FHAD1: variants seen among roughly 807,000 people sequenced by gnomAD.
The protein encoded by FHAD1 is forkhead-associated domain-containing protein 1.
Under a neutral mutation model 191.3 loss-of-function variants are expected in FHAD1, and 146 were observed. That is an observed-to-expected ratio of 0.76 (90% CI 0.67 to 0.88). The LOEUF is 0.88. Among genes scored for constraint, FHAD1 ranks in the 40% least tolerant of loss-of-function variants. FHAD1 has a pLI of 0.00. For synonymous variants in FHAD1, 616 were observed against 672.3 expected (o/e 0.92, Z 1.29); for missense variants, 1,635 against 1,785.8 (o/e 0.92, Z 1.52).
intron 20 of FHAD1, among the ~76,000 whole-genome samples, chr1:15,354,383 GA>G (rs987747556): frequency 1.3e-5 from 2 of 152,198 alleles, no homozygotes; most frequent in Non-Finnish European, 2.9e-5. Context: ...CAGTCTTTAA[GA>G]GGGGCCTTGA....
At chr1:15,322,302 G>T (rs1676588261) in intron 10 of FHAD1, among the ~76,000 whole-genome samples, 2 of 152,284 alleles carry the variant, frequency 1.3e-5, no homozygotes, top group South Asian at 4.2e-4. Context: ...CCACAATTTT[G>T]CATGGACTCA....
At chr1:15,361,049 C>G (rs1317146900) in intron 22 of FHAD1, among the ~76,000 whole-genome samples, 1 of 152,206 alleles carries the variant, frequency 6.6e-6, no homozygotes, top group African/African-American at 2.4e-5. Flanking sequence ...AAAGGTTTCT[C>G]TCTGCCATCG....
Position 15,366,007 on chromosome 1 carries a change from G to A in FHAD1, c.3154+74G>A, listed in dbSNP as rs1570300495. The A allele has an allele frequency of 3.0e-5, 32 of 1,079,932 alleles. 1 individual carries two copies. The East Asian group carries it at 8.1e-4, about 27-fold the overall frequency. The allele number at this position is 1,079,932 out of a possible 1,614,324, so 66.9% of individuals were successfully genotyped here. A position where few individuals can be genotyped will look rare whatever the true frequency, so the allele number is the denominator to read the frequency against. ...GGAAGGAGATGAGGCTAAAGAGTCG[G>A]CCGGGCGCAGTGGCGCACGCCTATA... is the stretch of plus-strand genomic sequence containing the variant. On this transcript the variant is annotated intron_variant, in intron 24 of 33. Coordinates refer to ENST00000688493, the MANE Select transcript of FHAD1 (RefSeq NM_001391957.1).
At chr1:15,388,186 G>A in intron 32 of FHAD1, 55 bp downstream of exon 32, 1 of 1,129,114 alleles carries the variant, frequency 8.9e-7, no homozygotes. Flanking sequence ...CTCAACTGGG[G>A]GTAAGAGCTC....
At chr1:15,389,558 C>T (rs1703347018) in intron 32 of FHAD1, among the ~76,000 whole-genome samples, 1 of 151,342 alleles carries the variant, frequency 6.6e-6, no homozygotes, top group Non-Finnish European at 1.5e-5. Flanking sequence ...TTGTTCCTCT[C>T]ACTAACTTTG....
chr1:15,317,957 T>C (rs2101498762), intron 10 of FHAD1, 29 bp downstream of exon 10: 5 of 1,424,442 alleles, frequency 3.5e-6, no homozygotes, highest in South Asian at 1.2e-5. Context: ...GCCCAGAGAG[T>C]GGTGTGGGCG....
chr1:15,246,273 C>T (rs1646019637), upstream of FHAD1, among the ~76,000 whole-genome samples: 1 of 152,214 alleles, frequency 6.6e-6, no homozygotes, highest in African/African-American at 2.4e-5. Context: ...CCAGGCCCCT[C>T]TTCCAACACG....
rs1402837604 is a variant in FHAD1 at position 15,289,679 on chromosome 1, G to A, written c.568+13G>A. 1.9e-6 allele frequency: 3 copies of A among 1,538,610 alleles called. No individual in the cohort carries two copies. Among genetic ancestry groups the A allele is most frequent in the Non-Finnish European group, 2.6e-6 (3 of 1,136,880 alleles). On this transcript the variant is annotated intron_variant, in intron 4 of 33. Coordinates refer to ENST00000688493, the MANE Select transcript of FHAD1 (RefSeq NM_001391957.1). This position sits in a 1 kb window ranked among gnomAD's most constrained non-coding sequence, Gnocchi z 4.2. Reference sequence around the variant, plus strand: ...GTCATCAAGCAAGGTATGCGTCAGGGCTGCCATTGGTGGCTTGGGGGTGGT... The same window carrying A: ...GTCATCAAGCAAGGTATGCGTCAGGACTGCCATTGGTGGCTTGGGGGTGGT...
Position 15,367,443 on chromosome 1 carries a change from G to C in FHAD1, c.3155-20G>C, listed in dbSNP as rs1042394114. The stretch of plus-strand genomic sequence containing the variant: ...CCCGGGAGGCAGAGACCCCCTTACC[G>C]GCCCTCCTGTCACTCGCAGGGGAGC... On this transcript the variant is annotated intron_variant, in intron 24 of 33. Transcript: ENST00000688493. 6.5e-7 allele frequency: 1 copy of C among 1,547,996 alleles called. No individual in the cohort carries two copies.
At chr1:15,237,435 C>T (rs1644902404) in intron 1 of FHAD1, among the ~76,000 whole-genome samples, 1 of 152,124 alleles carries the variant, frequency 6.6e-6, no homozygotes, top group Non-Finnish European at 1.5e-5. Flanking sequence ...AAATCCTACC[C>T]ATCCTTCAAG....
chr1:15,350,817 T>G (rs1334234253), intron 19 of FHAD1, among the ~76,000 whole-genome samples: 25 of 152,214 alleles, frequency 1.6e-4, no homozygotes, highest in Admixed American at 1.6e-3. Context: ...GGGTGGGGGC[T>G]GCACAGCCTT....
intron 3 of FHAD1, among the ~76,000 whole-genome samples, chr1:15,287,802 G>A (rs541294411): frequency 6.6e-6 from 1 of 152,268 alleles, no homozygotes; most frequent in East Asian, 1.9e-4. Context: ...ACTGCAGCTT[G>A]GAGATTAGGA....
chr1:15,372,954 G>A (rs1309236598), intron 26 of FHAD1, among the ~76,000 whole-genome samples: 1 of 152,144 alleles, frequency 6.6e-6, no homozygotes, highest in Admixed American at 6.5e-5. Context: ...TGACAACAGG[G>A]ATGTTGCTGG....
Position 15,358,105 on chromosome 1 carries a change from T to C in FHAD1, c.2563-5T>C. The C allele has an allele frequency of 1.3e-6, 2 of 1,501,638 alleles. No individual in the cohort carries two copies. Among genetic ancestry groups the C allele is most frequent in the Non-Finnish European group, 1.8e-6 (2 of 1,130,672 alleles). The allele number at this position is 1,501,638 out of a possible 1,614,324, so 93.0% of individuals were successfully genotyped here. On this transcript the variant is annotated splice_polypyrimidine_tract_variant and splice_region_variant and intron_variant, in intron 20 of 33. Transcript: ENST00000688493. ...TGTTATTTTGCTACTTGTTTTTTTGTCTAGGAATTAGAATTAAAAGAGCAA... is the reference window on the plus strand; with the variant it reads ...TGTTATTTTGCTACTTGTTTTTTTGCCTAGGAATTAGAATTAAAAGAGCAA...
intron 1 of FHAD1, among the ~76,000 whole-genome samples, chr1:15,239,182 C>T (rs1002822198): frequency 3.3e-5 from 5 of 152,162 alleles, no homozygotes; most frequent in African/African-American, 9.7e-5. Context: ...GCTGGGATTA[C>T]AGGCATGAGC....
intron 2 of FHAD1, among the ~76,000 whole-genome samples, chr1:15,263,318 TTATC>T (rs1651897748): frequency 2.0e-5 from 3 of 152,142 alleles, no homozygotes; most frequent in Non-Finnish European, 4.4e-5. Flanking sequence ...GTATTCCAGT[TTATC>T]TATTTTTACT....
rs1223891816 is a variant in FHAD1, at chr1:15,329,082, T to A, written c.1711-264T>A. On this transcript the variant is annotated intron_variant, in intron 13 of 33. Transcript: ENST00000688493. The surrounding 1 kb of genome is among the most constrained non-coding windows in gnomAD (Gnocchi z 5.0). ...CATTTGCTTCTCATTGCAGCCAAACTGTTGATGGTACTTTGGCTCTGGGGT... is the reference window on the plus strand; with the variant it reads ...CATTTGCTTCTCATTGCAGCCAAACAGTTGATGGTACTTTGGCTCTGGGGT... The A allele has an allele frequency of 3.3e-6, 1 of 305,212 alleles. No individual in the cohort carries two copies. The highest frequency in any genetic ancestry group is 2.1e-5 in the African/African-American group (1 of 46,600). 18.9% of individuals were successfully genotyped at this position (305,212 alleles called of 1,614,324 possible). A position where few individuals can be genotyped will look rare whatever the true frequency, so the allele number is the denominator to read the frequency against.
At chr1:15,383,437 A>C in intron 31 of FHAD1, 1 of 343,470 alleles carries the variant, frequency 2.9e-6, no homozygotes, top group Non-Finnish European at 5.8e-6. Context: ...GGGTCTACAC[A>C]CTGGAAAGTT....
intron 2 of FHAD1, among the ~76,000 whole-genome samples, chr1:15,268,104 C>T (rs1654336000): frequency 6.7e-6 from 1 of 150,234 alleles, no homozygotes; most frequent in Admixed American, 6.6e-5. Context: ...ATTAACTCGT[C>T]ATTTAGCATT....
Sources: gnomAD v4.1 joint callset for allele counts (sites outside exome capture counted in the v4.1 genomes callset) on GRCh38, gnomAD v4.1.1 for gene constraint, Gnocchi (gnomAD v3.1) non-coding constraint, MANE v1.5 for transcripts, NCBI Gene and HGNC (gene_info 2026-07-23, HGNC 2026-07-21) for gene names.